The following COL19A1 variants were observed in gnomAD, a reference collection of about 807,000 sequenced individuals.
The protein encoded by COL19A1 is collagen type XIX alpha 1 chain.
Under a neutral mutation model 190.2 loss-of-function variants are expected in COL19A1, and 159 were observed. The ratio of observed to expected loss-of-function variants is 0.84; its 90% CI spans 0.73 to 0.95. The LOEUF (loss-of-function observed/expected upper bound fraction) is 0.95. Ranked by LOEUF, COL19A1 falls within the 40% of genes least tolerant of loss-of-function variation. The pLI, the probability that COL19A1 is intolerant of heterozygous loss-of-function variation, is 0.00. For synonymous variants in COL19A1, 509 were observed against 458.9 expected, an observed-to-expected ratio of 1.11 and a Z score of -1.39; for missense variants, 1,418 against 1,431.9, an observed-to-expected ratio of 0.99 and a Z score of 0.16.
At chr6:70,037,415 C>A (rs1779410945) in intron 14 of COL19A1, among the ~76,000 whole-genome samples, 1 of 152,038 alleles carries the variant, frequency 6.6e-6, no homozygotes, top group Non-Finnish European at 1.5e-5. Context: ...TTCGGCCTCC[C>A]AAAGTGCTGG....
At chr6:69,879,884 A>G in intron 2 of COL19A1, 1 of 532,636 alleles carries the variant, frequency 1.9e-6, no homozygotes, top group East Asian at 2.9e-5. Context: ...GTTTCCTTTC[A>G]TCTTCAATAT....
At chr6:70,154,646 G>A (rs1787323583) in intron 31 of COL19A1, among the ~76,000 whole-genome samples, 1 of 152,178 alleles carries the variant, frequency 6.6e-6, no homozygotes, top group African/African-American at 2.4e-5. Context: ...CTGTCTGCAA[G>A]TCGAAGAGCA....
chr6:69,944,645 A>G (rs1773679925), intron 9 of COL19A1, among the ~76,000 whole-genome samples: 1 of 152,156 alleles, frequency 6.6e-6, no homozygotes, highest in African/African-American at 2.4e-5. Flanking sequence ...GCAAAAAGCC[A>G]GAAGTTTTGG....
intron 15 of COL19A1, among the ~76,000 whole-genome samples, chr6:70,089,813 T>C (rs2150173713): frequency 6.6e-6 from 1 of 152,318 alleles, no homozygotes; most frequent in African/African-American, 2.4e-5. Flanking sequence ...CAATGCAGCT[T>C]TCTCTGTTTT....
chr6:70,087,522 C>T (rs1357638775), intron 15 of COL19A1, among the ~76,000 whole-genome samples: 1 of 152,078 alleles, frequency 6.6e-6, no homozygotes, highest in Non-Finnish European at 1.5e-5. Flanking sequence ...AGAGAGTCCA[C>T]ACGGAAAGGC....
At chr6:69,913,761 A>C (rs1170198815) in intron 4 of COL19A1, among the ~76,000 whole-genome samples, 2 of 152,142 alleles carry the variant, frequency 1.3e-5, no homozygotes, top group African/African-American at 4.8e-5. Flanking sequence ...TTTAAAAAAA[A>C]GTGGAGGTGT....
At position 70,163,226 on chromosome 6, in the gene COL19A1, C is replaced by T. The variant is rs543312905; in HGVS notation, c.2347-117C>T. 6 of 873,374 alleles carry T rather than the reference C, an allele frequency of 6.9e-6. No individual in the cohort carries two copies. In the African/African-American group the frequency reaches 8.4e-5, roughly 12 times the overall value. 54.1% of individuals were successfully genotyped at this position (873,374 alleles called of 1,614,324 possible). A position where few individuals can be genotyped will look rare whatever the true frequency, so the allele number is the denominator to read the frequency against. ...CCAGAAGAAACATAAGCTTCTAGGG[C>T]TTATTTAATTAGGATCAAATGACCT... On this transcript the variant is annotated intron_variant, in intron 35 of 50. Coordinates refer to ENST00000620364, the MANE Select transcript of COL19A1 (RefSeq NM_001858.6).
chr6:69,907,295 A>C (rs979774252), intron 4 of COL19A1, among the ~76,000 whole-genome samples: 2 of 151,676 alleles, frequency 1.3e-5, no homozygotes, highest in African/African-American at 4.8e-5. Context: ...ACTCCTGGCT[A>C]ATTTTTGTAT....
intron 11 of COL19A1, among the ~76,000 whole-genome samples, chr6:69,971,175 A>G (rs2150054970): frequency 6.6e-6 from 1 of 152,302 alleles, no homozygotes; most frequent in Non-Finnish European, 1.5e-5. Context: ...GAATAACTAT[A>G]AAGGGCTATA....
intron 11 of COL19A1, among the ~76,000 whole-genome samples, chr6:69,967,131 A>T (rs1255889302): frequency 6.6e-6 from 1 of 152,252 alleles, no homozygotes; most frequent in Non-Finnish European, 1.5e-5. Context: ...TGTGAGAAAC[A>T]TCCAGTGGCA....
chr6:70,125,037 A>T (rs1246724163), intron 17 of COL19A1, among the ~76,000 whole-genome samples: 5 of 152,120 alleles, frequency 3.3e-5, no homozygotes, highest in Non-Finnish European at 7.4e-5. Flanking sequence ...TATGATGAGC[A>T]CGATGCATGT....
intron 9 of COL19A1, among the ~76,000 whole-genome samples, chr6:69,946,122 C>T (rs1773779225): frequency 6.6e-6 from 1 of 151,762 alleles, no homozygotes; most frequent in African/African-American, 2.4e-5. Flanking sequence ...CTGAAATTTC[C>T]TGACCTACTT....
intron 11 of COL19A1, among the ~76,000 whole-genome samples, chr6:69,999,215 G>A (rs1247123032): frequency 6.7e-6 from 1 of 149,574 alleles, no homozygotes; most frequent in Non-Finnish European, 1.5e-5. Context: ...GAGCCACCAT[G>A]CCCGGCCTTC....
chr6:70,008,765 C>T (rs1231611345), intron 11 of COL19A1, among the ~76,000 whole-genome samples: 1 of 150,130 alleles, frequency 6.7e-6, no homozygotes, highest in African/African-American at 2.4e-5. Context: ...AAGAGAGATG[C>T]ACACACACAC....
At chr6:69,889,343 G>C (rs1471527996) in intron 2 of COL19A1, among the ~76,000 whole-genome samples, 1 of 152,104 alleles carries the variant, frequency 6.6e-6, no homozygotes, top group Non-Finnish European at 1.5e-5. Flanking sequence ...AAATGGACAA[G>C]TGATATGTTA....
Position 70,093,399 on chromosome 6 carries a change from G to A in COL19A1, c.1225-8770G>A, listed in dbSNP as rs562494620. On this transcript the variant is annotated intron_variant, in intron 15 of 50. Transcript: ENST00000620364. Reference sequence around the variant, plus strand: ...TGATACTAGACCAATGAAGTGGCTTGGCAAATATTGGCAATGACAGGCCTA... The same window carrying A: ...TGATACTAGACCAATGAAGTGGCTTAGCAAATATTGGCAATGACAGGCCTA... Among the ~76,000 whole-genome samples, 13 of 152,192 alleles carry A rather than the reference G, an allele frequency of 8.5e-5. No individual in the cohort carries two copies. In the East Asian group the frequency reaches 2.5e-3, roughly 29 times the overall value.
At chr6:69,883,427 T>A (rs182281289) in intron 2 of COL19A1, among the ~76,000 whole-genome samples, 16 of 152,348 alleles carry the variant, frequency 1.1e-4, no homozygotes, top group Admixed American at 9.2e-4. Context: ...GGCTTCTGAA[T>A]GTATGCCCCT....
At chr6:69,912,720 GGCACAGA>G (rs1212906751) in intron 4 of COL19A1, among the ~76,000 whole-genome samples, 2 of 152,040 alleles carry the variant, frequency 1.3e-5, no homozygotes, top group Admixed American at 6.6e-5. Flanking sequence ...GTGTATCTTG[GGCACAGA>G]GCCTCACAGA....
chr6:70,156,450 A>G, intron 33 of COL19A1, 81 bp downstream of exon 33: 1 of 1,273,072 alleles, frequency 7.9e-7, no homozygotes, highest in Non-Finnish European at 1.1e-6. Flanking sequence ...AAAATAGACA[A>G]CTTTTAAAAT....
Sources: allele counts gnomAD v4.1 joint callset (sites outside exome capture counted in the v4.1 genomes callset), GRCh38; gene constraint gnomAD v4.1.1; transcripts MANE v1.5; gene names NCBI Gene and HGNC (gene_info 2026-07-23, HGNC 2026-07-21).